Variants in ATF6 observed in about 807,000 individuals in gnomAD.
The protein encoded by ATF6 is cyclic AMP-dependent transcription factor ATF-6 alpha.
ATF6 carries 53 observed loss-of-function variants against 83.6 expected under a neutral mutation model. That is an observed-to-expected ratio of 0.63 (90% CI 0.51 to 0.80). ATF6 has a LOEUF of 0.80. ATF6 is among the 30% of genes least tolerant of loss of function. The pLI, the probability that ATF6 is intolerant of heterozygous loss-of-function variation, is 0.00. For missense variants in ATF6, 744 were observed against 797.9 expected, an observed-to-expected ratio of 0.93 and a Z score of 0.81; for synonymous variants, 288 against 285.8, an observed-to-expected ratio of 1.01 and a Z score of -0.08.
intron 15 of ATF6, among the ~76,000 whole-genome samples, chr1:161,917,605 A>G (rs1240839894): frequency 6.6e-6 from 1 of 152,118 alleles, no homozygotes; most frequent in Non-Finnish European, 1.5e-5. Flanking sequence ...TATTTTCAGT[A>G]GAGTTAGGGT....
At chr1:161,932,466 T>C (rs1043399639) in intron 15 of ATF6, among the ~76,000 whole-genome samples, 1 of 152,142 alleles carries the variant, frequency 6.6e-6, no homozygotes, top group Non-Finnish European at 1.5e-5. Flanking sequence ...TTAAACAAAT[T>C]ATAACAATTT....
chr1:161,785,275 C>T (rs1184723120), intron 4 of ATF6, among the ~76,000 whole-genome samples: 1 of 152,208 alleles, frequency 6.6e-6, no homozygotes, highest in Non-Finnish European at 1.5e-5. Context: ...TTTTTCTTGT[C>T]TTGGAAAACT....
rs1344648600 is a variant in ATF6, at chr1:161,963,758, CTGGT to C, written c.*5106_*5109del. On this transcript the variant is annotated 3_prime_UTR_variant, in exon 16 of 16. Transcript: ENST00000367942. ...CTATGCACTACTAGCCTTAGAGGCA[CTGGT>C]TTCCTGTTACCACTTTGGCAAGTAT... is the stretch of plus-strand genomic sequence containing the variant. 2.0e-5 allele frequency: 3 copies of C among 152,180 alleles called. No homozygotes were observed. The highest frequency in any genetic ancestry group is 3.2e-3 in the Middle Eastern group (1 of 316). 9.4% of individuals were successfully genotyped at this position (152,180 alleles called of 1,614,324 possible). A position where few individuals can be genotyped will look rare whatever the true frequency, so the allele number is the denominator to read the frequency against.
intron 14 of ATF6, among the ~76,000 whole-genome samples, chr1:161,902,745 A>G (rs1354122631): frequency 6.6e-6 from 1 of 152,234 alleles, no homozygotes; most frequent in African/African-American, 2.4e-5. Flanking sequence ...AACAGATGAA[A>G]ATGTCTGCTG....
chr1:161,846,401 T>C, intron 9 of ATF6, 48 bp from the exon 10 acceptor site: 1 of 1,570,240 alleles, frequency 6.4e-7, no homozygotes. Flanking sequence ...CAGGCATATG[T>C]GTGACATATT....
chr1:161,788,253 A>G (rs1189698289), intron 4 of ATF6, among the ~76,000 whole-genome samples: 1 of 152,082 alleles, frequency 6.6e-6, no homozygotes, highest in African/African-American at 2.4e-5. Flanking sequence ...TCCATGGCAC[A>G]ATGTGTTTTT....
chr1:161,872,446 C>T (rs982232671), intron 14 of ATF6, among the ~76,000 whole-genome samples: 3 of 151,488 alleles, frequency 2.0e-5, no homozygotes, highest in Admixed American at 6.6e-5. Flanking sequence ...TAAGACAAAG[C>T]CCTGTGGAAA....
In ATF6 at chr1:161,930,501, T is replaced by C. The variant is rs556939641; in HGVS notation, c.1804+18121T>C. Among the ~76,000 whole-genome samples, 34 of 152,324 alleles carry C rather than the reference T, an allele frequency of 2.2e-4. No individual in the cohort carries two copies. In the South Asian group the frequency reaches 7.0e-3, roughly 32 times the overall value. On this transcript the variant is annotated intron_variant, in intron 15 of 15. Transcript: ENST00000367942. ...CCTTACGTTTCTTTCAAAAATAGCT[T>C]TATCTCAATATGAAATGCAAGATTA...
intron 6 of ATF6, among the ~76,000 whole-genome samples, chr1:161,794,495 A>G (rs751625084): frequency 3.9e-4 from 59 of 151,960 alleles, no homozygotes; most frequent in Non-Finnish European, 2.5e-4. Flanking sequence ...TTTGTTTTTA[A>G]TAGAGACAGG....
chr1:161,833,000 C>T (rs1174129189), intron 9 of ATF6, among the ~76,000 whole-genome samples: 5 of 152,162 alleles, frequency 3.3e-5, no homozygotes, highest in African/African-American at 9.7e-5. Flanking sequence ...CTGGGAGGCA[C>T]CCCCCAGTAG....
intron 9 of ATF6, among the ~76,000 whole-genome samples, chr1:161,843,134 C>T (rs555918659): frequency 4.6e-5 from 7 of 152,208 alleles, no homozygotes; most frequent in Non-Finnish European, 1.0e-4. Context: ...ATGTTCCGCA[C>T]ACTCATTCAG....
At chr1:161,831,938 GTA>G (rs1413731679) in intron 9 of ATF6, among the ~76,000 whole-genome samples, 1 of 140,230 alleles carries the variant, frequency 7.1e-6, no homozygotes, top group Non-Finnish European at 1.5e-5. Context: ...AGAACTTAAA[GTA>G]TAATAAAAAA....
Position 161,810,514 on chromosome 1 carries a change from C to G in ATF6, c.909+8242C>G, listed in dbSNP as rs113230690. Reference sequence around the variant, plus strand: ...GTAGAGACACAAATCTAGATCATATCACACCCCTTTACCCCACCTCACCTC... The same window carrying G: ...GTAGAGACACAAATCTAGATCATATGACACCCCTTTACCCCACCTCACCTC... On this transcript the variant is annotated intron_variant, in intron 7 of 15. Transcript: ENST00000367942. Among the ~76,000 whole-genome samples, 419 of 152,250 alleles carry G rather than the reference C, an allele frequency of 2.8e-3. 3 individuals are homozygous for G. Among genetic ancestry groups the G allele is most frequent in the African/African-American group, 9.4e-3 (391 of 41,536 alleles).
chr1:161,900,104 C>T (rs1030579062), intron 14 of ATF6, among the ~76,000 whole-genome samples: 1 of 152,074 alleles, frequency 6.6e-6, no homozygotes, highest in African/African-American at 2.4e-5. Context: ...TACTGATTCA[C>T]CAAAAATTGC....
Position 161,791,348 on chromosome 1 carries a change from TC to T in ATF6, c.355-59del, listed in dbSNP as rs760601325. 259 of 1,475,840 alleles carry T rather than the reference TC, an allele frequency of 1.8e-4. 1 individual carries two copies. The highest frequency in any genetic ancestry group is 2.3e-4 in the Non-Finnish European group (252 of 1,103,306). 91.4% of individuals were successfully genotyped at this position (1,475,840 alleles called of 1,614,324 possible). ...TGTTTATATGTGGGTCTCCTCCTTTTCTATGCAATTTGCTGCTTAAGGATTA... is the reference window on the plus strand; with the variant it reads ...TGTTTATATGTGGGTCTCCTCCTTTTTATGCAATTTGCTGCTTAAGGATTA... On this transcript the variant is annotated intron_variant, in intron 4 of 15. Coordinates refer to ENST00000367942, the MANE Select transcript of ATF6 (RefSeq NM_007348.4).
rs542460112 is a variant in ATF6, at chr1:161,786,958, C to A, written c.354+2862C>A. 9.9e-5 allele frequency among the ~76,000 whole-genome samples: 15 copies of A among 152,274 alleles called. No individual in the cohort carries two copies. In the South Asian group the frequency reaches 3.1e-3, roughly 32 times the overall value. Reference sequence around the variant, plus strand: ...CTTCATTAATCCTTGACTTTCTTCACCTTGTCACTTTTGGGGATTAGGAGT... The same window carrying A: ...CTTCATTAATCCTTGACTTTCTTCAACTTGTCACTTTTGGGGATTAGGAGT... On this transcript the variant is annotated intron_variant, in intron 4 of 15. Coordinates refer to ENST00000367942, the MANE Select transcript of ATF6 (RefSeq NM_007348.4).
intron 7 of ATF6, among the ~76,000 whole-genome samples, chr1:161,805,144 A>G (rs1227681000): frequency 1.3e-5 from 2 of 152,110 alleles, no homozygotes; most frequent in Admixed American, 1.3e-4. Context: ...TTATTGTATG[A>G]ATGTATATTC....
At chr1:161,856,672 A>G (rs1297549631) in intron 12 of ATF6, among the ~76,000 whole-genome samples, 1 of 152,188 alleles carries the variant, frequency 6.6e-6, no homozygotes, top group African/African-American at 2.4e-5. Flanking sequence ...CCACACAGCT[A>G]GTATAATTAA....
rs527974721 is a variant in ATF6, at chr1:161,918,293, G to A, written c.1804+5913G>A. 1.8e-4 allele frequency among the ~76,000 whole-genome samples: 28 copies of A among 152,196 alleles called. 1 individual carries two copies. The South Asian group carries it at 5.8e-3, about 32-fold the overall frequency. ...TAATTAATAATAGTTAGCAAGCACA[G>A]ATTAGTCTAATCTTTTCAAGTGTAA... On this transcript the variant is annotated intron_variant, in intron 15 of 15. Transcript: ENST00000367942.
Sources: allele counts gnomAD v4.1 joint callset (sites outside exome capture counted in the v4.1 genomes callset), GRCh38; gene constraint gnomAD v4.1.1; transcripts MANE v1.5; gene names NCBI Gene and HGNC (gene_info 2026-07-23, HGNC 2026-07-21).